Variants in HPSE2 observed in about 807,000 individuals in gnomAD.
HPSE2 encodes heparanase 2 (inactive).
Under a neutral mutation model 60.5 loss-of-function variants are expected in HPSE2, and 38 were observed. The ratio of observed to expected loss-of-function variants is 0.63; its 90% CI spans 0.48 to 0.82. The LOEUF (loss-of-function observed/expected upper bound fraction) is 0.82, where lower values mean the gene tolerates loss of function less well. Among genes scored for constraint, HPSE2 ranks in the 40% least tolerant of loss-of-function variants. HPSE2 has a pLI of 0.00. For missense variants in HPSE2, 713 were observed against 740.4 expected, an observed-to-expected ratio of 0.96 and a Z score of 0.43; for synonymous variants, 295 against 293.2, an observed-to-expected ratio of 1.01 and a Z score of -0.06.
intron 9 of HPSE2, among the ~76,000 whole-genome samples, chr10:98,534,410 A>AT (rs34266207): frequency 0.27 from 40,590 of 149,598 alleles, 5,890 homozygotes; most frequent in East Asian, 0.48. Context: ...AGAATTTTTA[A>AT]TTTTTTTTTT....
At chr10:98,906,053 A>G (rs1011944840) in intron 3 of HPSE2, among the ~76,000 whole-genome samples, 2 of 152,126 alleles carry the variant, frequency 1.3e-5, no homozygotes, top group Non-Finnish European at 2.9e-5. Flanking sequence ...CCTGCATCCA[A>G]TGATTGGTCA....
chr10:98,462,848 A>G (rs1203110267), intron 11 of HPSE2, among the ~76,000 whole-genome samples: 1 of 151,356 alleles, frequency 6.6e-6, no homozygotes, highest in African/African-American at 2.4e-5. Flanking sequence ...TCTCTACCCT[A>G]CCTACATTCT....
intron 3 of HPSE2, among the ~76,000 whole-genome samples, chr10:98,999,005 T>C (rs1488780193): frequency 1.3e-5 from 2 of 152,180 alleles, no homozygotes; most frequent in Non-Finnish European, 2.9e-5. Flanking sequence ...GATCCAAGTA[T>C]ATGGGTTTGT....
chr10:98,511,317 A>C (rs1942386391), intron 9 of HPSE2, among the ~76,000 whole-genome samples: 1 of 151,724 alleles, frequency 6.6e-6, no homozygotes, highest in Non-Finnish European at 1.5e-5. Flanking sequence ...CGTCTGGCTA[A>C]TTTTTTGTAT....
chr10:99,116,962 C>T (rs893375726), intron 3 of HPSE2, among the ~76,000 whole-genome samples: 3 of 151,630 alleles, frequency 2.0e-5, no homozygotes, highest in East Asian at 1.9e-4. Context: ...GACAGAATAG[C>T]GACAATCCCT....
intron 9 of HPSE2, among the ~76,000 whole-genome samples, chr10:98,548,413 T>C (rs1257406451): frequency 2.6e-5 from 4 of 152,032 alleles, no homozygotes; most frequent in African/African-American, 7.3e-5. Flanking sequence ...GGTCAGGAGT[T>C]CAAGACCAGT....
At chr10:98,571,445 G>T (rs1051196517) in intron 9 of HPSE2, among the ~76,000 whole-genome samples, 1 of 152,096 alleles carries the variant, frequency 6.6e-6, no homozygotes, top group Non-Finnish European at 1.5e-5. Context: ...ATGAATGATC[G>T]TTGAATGGGC....
chr10:98,938,639 C>G (rs11189890), intron 3 of HPSE2, among the ~76,000 whole-genome samples: 78,969 of 142,764 alleles, frequency 0.55, 26,882 homozygotes, highest in East Asian at 0.68. Flanking sequence ...GGGGAGAATG[C>G]AACCAAGTTG....
At chr10:98,965,523 A>G (rs1315835682) in intron 3 of HPSE2, among the ~76,000 whole-genome samples, 2 of 152,102 alleles carry the variant, frequency 1.3e-5, no homozygotes. Flanking sequence ...CTACCTCTAA[A>G]GTTCAATGAT....
chr10:98,574,514 A>T (rs1357855292), intron 9 of HPSE2, among the ~76,000 whole-genome samples: 3 of 152,230 alleles, frequency 2.0e-5, no homozygotes, highest in Non-Finnish European at 4.4e-5. Flanking sequence ...CTTTCCTTGG[A>T]AAGTCCAAAT....
intron 2 of HPSE2, among the ~76,000 whole-genome samples, chr10:99,164,229 A>T (rs1261060338): frequency 0.35 from 81 of 234 alleles, 1 homozygote; most frequent in African/African-American, 0.48. Flanking sequence ...TTCAAGCATT[A>T]TATATATATA....
chr10:98,797,694 A>C (rs1950808764), intron 3 of HPSE2, among the ~76,000 whole-genome samples: 2 of 152,018 alleles, frequency 1.3e-5, no homozygotes, highest in South Asian at 2.1e-4. Flanking sequence ...AATACAAAAA[A>C]TTAGCCGAGC....
At chr10:99,034,673 G>T (rs905088932) in intron 3 of HPSE2, among the ~76,000 whole-genome samples, 4 of 151,954 alleles carry the variant, frequency 2.6e-5, no homozygotes, top group African/African-American at 9.7e-5. Flanking sequence ...CTTAACAAAG[G>T]GATATGTTCT....
chr10:98,813,078 C>T (rs557391975), intron 3 of HPSE2, among the ~76,000 whole-genome samples: 49 of 152,134 alleles, frequency 3.2e-4, no homozygotes, highest in Non-Finnish European at 5.6e-4. Flanking sequence ...TCTTGGCTTT[C>T]TCCAGCCTCC....
intron 11 of HPSE2, among the ~76,000 whole-genome samples, chr10:98,471,851 A>G (rs1940793680): frequency 6.6e-6 from 1 of 152,210 alleles, no homozygotes; most frequent in Non-Finnish European, 1.5e-5. Flanking sequence ...AAAATCATTC[A>G]GATTTCTCTC....
intron 3 of HPSE2, among the ~76,000 whole-genome samples, chr10:98,749,655 G>A (rs952154294): frequency 6.6e-6 from 1 of 150,824 alleles, no homozygotes; most frequent in African/African-American, 2.4e-5. Context: ...TTCACTTTCA[G>A]TATAGTATTC....
intron 3 of HPSE2, among the ~76,000 whole-genome samples, chr10:99,034,945 T>C (rs1957577337): frequency 6.6e-6 from 1 of 152,206 alleles, no homozygotes; most frequent in South Asian, 2.1e-4. Flanking sequence ...AGAGCATTTA[T>C]CACAAATGGA....
chr10:98,913,959 T>C (rs1954048627), intron 3 of HPSE2, among the ~76,000 whole-genome samples: 2 of 152,186 alleles, frequency 1.3e-5, no homozygotes, highest in South Asian at 4.1e-4. Context: ...CTTTCCCATA[T>C]AATCACTGAG....
chr10:98,950,688 C>T (rs965982608), intron 3 of HPSE2, among the ~76,000 whole-genome samples: 1 of 152,082 alleles, frequency 6.6e-6, no homozygotes, highest in Non-Finnish European at 1.5e-5. Context: ...GATGGCGGAA[C>T]ACACCAGCAC....
Sources: allele counts gnomAD v4.1 joint callset (sites outside exome capture counted in the v4.1 genomes callset), GRCh38; gene constraint gnomAD v4.1.1; transcripts MANE v1.5; gene names NCBI Gene and HGNC (gene_info 2026-07-23, HGNC 2026-07-21).